The following SWAP70 variants were observed in gnomAD, a reference collection of about 807,000 sequenced individuals.
The protein encoded by SWAP70 is switching B cell complex subunit SWAP70, also known as switch-associated protein 70.
Under a neutral mutation model 80.2 loss-of-function variants are expected in SWAP70, and 34 were observed. The observed-to-expected ratio is 0.42, with a 90% CI of 0.32 to 0.56. SWAP70 has a LOEUF of 0.56. SWAP70 is among the 20% of genes least tolerant of loss of function. The pLI, the probability that SWAP70 is intolerant of heterozygous loss-of-function variation, is 0.09. For synonymous variants in SWAP70, 239 were observed against 238.5 expected (o/e 1.00, Z -0.02); for missense variants, 578 against 690.7 (o/e 0.84, Z 1.83).
intron 2 of SWAP70, among the ~76,000 whole-genome samples, chr11:9,703,695 A>G (rs1273859829): frequency 6.6e-6 from 1 of 152,198 alleles, no homozygotes; most frequent in Non-Finnish European, 1.5e-5. Flanking sequence ...CTGTGACGGC[A>G]AGAACTGGTT....
At chr11:9,718,258 C>G (rs1356994980) in intron 3 of SWAP70, among the ~76,000 whole-genome samples, 1 of 152,232 alleles carries the variant, frequency 6.6e-6, no homozygotes, top group Non-Finnish European at 1.5e-5. Flanking sequence ...ACTCTCTCAT[C>G]ATTTCTTCTG....
At chr11:9,687,369 C>G (rs571450766) in intron 1 of SWAP70, among the ~76,000 whole-genome samples, 1 of 152,314 alleles carries the variant, frequency 6.6e-6, no homozygotes, top group African/African-American at 2.4e-5. Flanking sequence ...GGAGTTCCAC[C>G]TGAACTTGAA....
In SWAP70 at chr11:9,751,328, A is replaced by G. The variant is rs2133823118; in HGVS notation, c.*1358A>G. On this transcript the variant is annotated 3_prime_UTR_variant, in exon 12 of 12. Transcript: ENST00000318950. ...GAAATTGGGATCATAGTTTATATGCATCTGATTTGAAAGGAGTATTGAGGA... is the reference window on the plus strand; with the variant it reads ...GAAATTGGGATCATAGTTTATATGCGTCTGATTTGAAAGGAGTATTGAGGA... The G allele has an allele frequency of 6.6e-6, 1 of 152,336 alleles. No individual in the cohort carries two copies. Among genetic ancestry groups the G allele is most frequent in the South Asian group, 2.1e-4 (1 of 4,830 alleles). 9.4% of individuals were successfully genotyped at this position (152,336 alleles called of 1,614,324 possible).
rs1850551717 is a variant in SWAP70, at chr11:9,680,330, G to A, written c.100-13816G>A. 2.6e-5 allele frequency among the ~76,000 whole-genome samples: 4 copies of A among 152,202 alleles called. 1 individual carries two copies. Among genetic ancestry groups the A allele is most frequent in the Admixed American group, 2.6e-4 (4 of 15,274 alleles). On this transcript the variant is annotated intron_variant, in intron 1 of 11. Coordinates refer to ENST00000318950, the MANE Select transcript of SWAP70 (RefSeq NM_015055.4). Reference sequence around the variant, plus strand: ...GGCTGTTGACTGCTTGAAAATTCATGAGCCTGAGTTGATATGTACTTTAAG... The same window carrying A: ...GGCTGTTGACTGCTTGAAAATTCATAAGCCTGAGTTGATATGTACTTTAAG...
At chr11:9,701,050 C>T (rs576195901) in intron 2 of SWAP70, among the ~76,000 whole-genome samples, 12 of 151,914 alleles carry the variant, frequency 7.9e-5, no homozygotes, top group Non-Finnish European at 1.6e-4. Flanking sequence ...GTAATTTTTA[C>T]GGTTGGTTTT....
intron 6 of SWAP70, 105 bp downstream of exon 6, chr11:9,729,556 T>C: frequency 1.2e-6 from 1 of 804,264 alleles, no homozygotes; most frequent in East Asian, 2.7e-5. Flanking sequence ...TGTAGTGCAG[T>C]GGTGCTATCT....
rs1851313607 is a variant in SWAP70 at position 9,732,619 on chromosome 11, A to C, written c.989A>C (p.Gln330Pro). Residue 330 changes from glutamine (Q) to proline (P), a missense_variant, in exon 7 of 12, where the codon CAG (glutamine) becomes CCG (proline). Gln to Pro is a moderately conservative substitution (Grantham distance 76, BLOSUM62 -1). Coordinates refer to ENST00000318950, the MANE Select transcript of SWAP70 (RefSeq NM_015055.4). ...RQRRKELRKK[Q>P]LAEQEELERQ... ...CGTCGGAAAGAACTCCGGAAGAAGC[A>C]GCTGGCTGAACAAGAGGAACTGGAG... is the stretch of plus-strand genomic sequence containing the variant. 1 of 1,593,432 alleles carries C rather than the reference A, an allele frequency of 6.3e-7. No individual in the cohort carries two copies. Among genetic ancestry groups the C allele is most frequent in the Non-Finnish European group, 8.6e-7 (1 of 1,168,298 alleles).
intron 7 of SWAP70, among the ~76,000 whole-genome samples, chr11:9,732,911 G>A (rs150418047): frequency 3.9e-5 from 6 of 151,962 alleles, no homozygotes; most frequent in Admixed American, 2.6e-4. Context: ...TGTTGATCTC[G>A]GCAGCAAAAA....
intron 3 of SWAP70, among the ~76,000 whole-genome samples, chr11:9,714,064 G>A (rs549929911): frequency 6.6e-6 from 1 of 152,270 alleles, no homozygotes; most frequent in African/African-American, 2.4e-5. Context: ...AAAGTCCAGG[G>A]TGATGACTTT....
chr11:9,732,766 G>A (rs1386657583), intron 7 of SWAP70, 56 bp downstream of exon 7: 12 of 1,472,852 alleles, frequency 8.1e-6, no homozygotes, highest in African/African-American at 4.3e-5. Flanking sequence ...AGAAGCCATC[G>A]TGCCTTGCTT....
chr11:9,724,998 TTTTTTTA>T, intron 4 of SWAP70, 113 bp downstream of exon 4: 12 of 788,644 alleles, frequency 1.5e-5, no homozygotes, highest in Non-Finnish European at 2.0e-5. Flanking sequence ...ACTGATTTCG[TTTTTTTA>T]TTTTTTGTTT....
At chr11:9,720,035 T>C (rs1204189590) in intron 3 of SWAP70, 1 of 981,910 alleles carries the variant, frequency 1.0e-6, no homozygotes, top group Non-Finnish European at 1.2e-6. Context: ...AAGGAGGAAG[T>C]AAGCTGCTTC....
chr11:9,687,630 G>A (rs1024707006), intron 1 of SWAP70, among the ~76,000 whole-genome samples: 1 of 152,148 alleles, frequency 6.6e-6, no homozygotes, highest in Non-Finnish European at 1.5e-5. Context: ...GTAATCCAGT[G>A]CCATCCATGC....
At chr11:9,680,881 T>C (rs1850558613) in intron 1 of SWAP70, 1 of 152,248 alleles carries the variant, frequency 6.6e-6, no homozygotes, top group African/African-American at 2.4e-5. Context: ...AGACAAAGTT[T>C]CATGAAGGAG....
chr11:9,725,555 A>T (rs1327172698), intron 4 of SWAP70, among the ~76,000 whole-genome samples: 2 of 11,200 alleles, frequency 1.8e-4, no homozygotes, highest in African/African-American at 6.2e-4. Context: ...ATATATATAT[A>T]TATATATATA....
chr11:9,674,510 GA>G (rs1285018675), intron 1 of SWAP70, among the ~76,000 whole-genome samples: 2 of 151,794 alleles, frequency 1.3e-5, no homozygotes, highest in African/African-American at 4.8e-5. Flanking sequence ...AAACAGCCTG[GA>G]AAATATAGTG....
intron 1 of SWAP70, among the ~76,000 whole-genome samples, chr11:9,667,241 TGTGTGTGTGA>T (rs2134411014): frequency 6.6e-6 from 1 of 151,448 alleles, no homozygotes; most frequent in South Asian, 2.1e-4. Flanking sequence ...TCTGTGTGTG[TGTGTGTGTGA>T]GAGAGAGAGA....
chr11:9,693,901 A>G (rs539831414), intron 1 of SWAP70, among the ~76,000 whole-genome samples: 3 of 152,246 alleles, frequency 2.0e-5, no homozygotes, highest in South Asian at 2.1e-4. Flanking sequence ...CAGATCTTGC[A>G]TGGAGCCTGG....
At chr11:9,693,892 A>C (rs1234531538) in intron 1 of SWAP70, among the ~76,000 whole-genome samples, 1 of 152,040 alleles carries the variant, frequency 6.6e-6, no homozygotes, top group Non-Finnish European at 1.5e-5. Flanking sequence ...TTATATTCAC[A>C]GATCTTGCAT....
Sources: allele counts gnomAD v4.1 joint callset (sites outside exome capture counted in the v4.1 genomes callset), GRCh38; gene constraint gnomAD v4.1.1; transcripts MANE v1.5; gene names NCBI Gene and HGNC (gene_info 2026-07-23, HGNC 2026-07-21).